NCAPD3: variants seen among roughly 807,000 people sequenced by gnomAD.
NCAPD3 encodes the protein non-SMC condensin II complex subunit D3.
A neutral mutation model predicts 182.9 loss-of-function variants in NCAPD3; 105 were observed. The observed-to-expected ratio is 0.57, with a 90% CI of 0.49 to 0.68. The LOEUF (loss-of-function observed/expected upper bound fraction) is 0.68. NCAPD3 is among the 30% of genes least tolerant of loss of function. The pLI is 0.00. For synonymous variants in NCAPD3, 815 were observed against 679.9 expected (o/e 1.20, Z -3.09); for missense variants, 1,944 against 1,837.0 (o/e 1.06, Z -1.07).
intron 24 of NCAPD3, 135 bp downstream of exon 24, chr11:134,176,172 G>T: frequency 1.5e-6 from 1 of 674,962 alleles, no homozygotes; most frequent in African/African-American, 1.8e-5. Flanking sequence ...TTAAAAATCT[G>T]CTAATTTTCC....
At position 134,210,362 on chromosome 11, in the gene NCAPD3, G is replaced by A. The variant is rs767003236; in HGVS notation, c.475C>T (p.Arg159Trp). ...KSWPQESNLN[R>W]KRKKEQPKSS... ...TTAGGCTGTTCTTTCTTTCTTTTCC[G>A]ATTCAAGTTAGATTCCTGGGGCCAG... Residue 159 changes from arginine (R) to tryptophan (W), a missense_variant, in exon 4 of 35, where the codon CGG becomes TGG. By Grantham distance (101) the Arg-to-Trp change is moderately radical. Coordinates refer to ENST00000534548, the MANE Select transcript of NCAPD3 (RefSeq NM_015261.3). 11 of 1,613,920 alleles carry A rather than the reference G, an allele frequency of 6.8e-6. No individual in the cohort carries two copies. The highest frequency in any genetic ancestry group is 3.3e-5 in the Admixed American group (2 of 60,008).
chr11:134,181,645 G>A (rs895359782), intron 19 of NCAPD3, among the ~76,000 whole-genome samples: 4 of 152,134 alleles, frequency 2.6e-5, no homozygotes, highest in Admixed American at 6.5e-5. Flanking sequence ...CAAGTGTTCC[G>A]TGTCTCTCAC....
At chr11:134,159,725 CACAG>C (rs1943524578) in intron 29 of NCAPD3, among the ~76,000 whole-genome samples, 163 bp downstream of exon 29, 1 of 152,248 alleles carries the variant, frequency 6.6e-6, no homozygotes, top group Non-Finnish European at 1.5e-5. Context: ...GTAAATCCAT[CACAG>C]ACAGAAAGGC....
chr11:134,158,430 G>C lies in NCAPD3; in HGVS notation c.3933C>G (p.Ala1311=). The change falls in exon 30 of 35, where the codon GCC becomes GCG. Residue 1311 remains alanine (A), a synonymous_variant. Coordinates refer to ENST00000534548, the MANE Select transcript of NCAPD3 (RefSeq NM_015261.3). The part of the protein sequence containing the change: ...AGQENPAMSP[A]VSQPCTPRAS... The stretch of plus-strand genomic sequence containing the variant: ...CCCTGGGTGTGCAGGGCTGGCTCAC[G>C]GCAGGTGACATGGCAGGGTTTTCTT... 1 of 1,614,200 alleles carries C rather than the reference G, an allele frequency of 6.2e-7. No individual in the cohort carries two copies. Among genetic ancestry groups the C allele is most frequent in the East Asian group, 2.2e-5 (1 of 44,884 alleles).
At chr11:134,168,757 G>A (rs990218157) in intron 25 of NCAPD3, among the ~76,000 whole-genome samples, 155 bp from the exon 26 acceptor site, 2 of 152,104 alleles carry the variant, frequency 1.3e-5, no homozygotes, top group African/African-American at 4.8e-5. Context: ...CTTAGGAAGC[G>A]ATTCTCACGA....
At chr11:134,183,500 G>A (rs1198082249) in intron 19 of NCAPD3, among the ~76,000 whole-genome samples, 4 of 152,144 alleles carry the variant, frequency 2.6e-5, no homozygotes, top group South Asian at 2.1e-4. Context: ...CCTGGGAGGC[G>A]GAGGTTACAG....
rs1192585284 is a variant in NCAPD3, at chr11:134,181,128, G to A, written c.2508C>T (p.Ser836=). The A allele has an allele frequency of 6.2e-7, 1 of 1,614,108 alleles. No individual in the cohort carries two copies. The change falls in exon 20 of 35, where the codon TCC becomes TCT. Residue 836 remains serine, a synonymous_variant. Coordinates refer to ENST00000534548, the MANE Select transcript of NCAPD3 (RefSeq NM_015261.3). ...TTCCATTCTCCTTGAGAACGATGTT[G>A]GAGAGGCGGTGCTCGCAGGTGGAGA... ...DVLSTCEHRL[S]NIVLKENGTG...
At chr11:134,223,980 C>G, upstream of NCAPD3, 1 of 1,585,564 alleles carries the variant, frequency 6.3e-7, no homozygotes, top group Non-Finnish European at 8.6e-7. Flanking sequence ...AGCTCGCTCC[C>G]GCGCGCGCGC....
chr11:134,153,482 G>A, intron 32 of NCAPD3, 119 bp from the exon 33 acceptor site: 3 of 974,182 alleles, frequency 3.1e-6, no homozygotes, highest in East Asian at 2.4e-5. Context: ...GCGGCCCTCA[G>A]ACCTCCACTG....
chr11:134,170,322 C>CA (rs1565529582), intron 24 of NCAPD3, among the ~76,000 whole-genome samples: 7 of 152,270 alleles, frequency 4.6e-5, no homozygotes, highest in African/African-American at 9.6e-5. Context: ...TAAGAGTAGT[C>CA]AGTTACTTTG....
At chr11:134,161,002 G>A (rs962298992) in intron 28 of NCAPD3, among the ~76,000 whole-genome samples, 2 of 151,322 alleles carry the variant, frequency 1.3e-5, no homozygotes, top group African/African-American at 2.4e-5. Context: ...AAGAATATTT[G>A]GAAGTTTTTA....
In NCAPD3 at chr11:134,178,599, C is replaced by G. The variant is rs189481123; in HGVS notation, c.2782+35G>C. 2.8e-6 allele frequency: 4 copies of G among 1,450,550 alleles called. No individual in the cohort carries two copies. The Admixed American group carries it at 8.4e-5, about 30-fold the overall frequency. 89.9% of individuals were successfully genotyped at this position (1,450,550 alleles called of 1,614,324 possible). A position where few individuals can be genotyped will look rare whatever the true frequency, so the allele number is the denominator to read the frequency against. On this transcript the variant is annotated intron_variant, in intron 22 of 34. Transcript: ENST00000534548. ...CTTAAGACAACAGCTACACACAGAACGATGTCAAGCCCCATTCTCCCATGT... is the reference window on the plus strand; with the variant it reads ...CTTAAGACAACAGCTACACACAGAAGGATGTCAAGCCCCATTCTCCCATGT...
chr11:134,157,104 G>A lies in NCAPD3; in HGVS notation c.4175-9C>T, dbSNP rs754943168. 6.2e-7 allele frequency: 1 copy of A among 1,605,410 alleles called. No homozygotes were observed. The highest frequency in any genetic ancestry group is 8.5e-7 in the Non-Finnish European group (1 of 1,174,698). The stretch of plus-strand genomic sequence containing the variant: ...CAAACTGTATGAAGACACTAGAACA[G>A]AAAAGGTGCTGCTATCCAGAAATAC... On this transcript the variant is annotated splice_polypyrimidine_tract_variant and intron_variant, in intron 31 of 34. Transcript: ENST00000534548.
chr11:134,169,261 C>G (rs1282768839), intron 24 of NCAPD3, among the ~76,000 whole-genome samples: 2 of 152,148 alleles, frequency 1.3e-5, no homozygotes, highest in Non-Finnish European at 2.9e-5. Context: ...CTTTCTAATC[C>G]AAGGTAAGTA....
Position 134,184,715 on chromosome 11 carries a change from A to G in NCAPD3, c.2373T>C (p.Ser791=). ...CAACAGCTGAACTGATCACCTCTAGAGACCACTGAAATCCATTCAGCTTAC... is the reference window on the plus strand; with the variant it reads ...CAACAGCTGAACTGATCACCTCTAGGGACCACTGAAATCCATTCAGCTTAC... The part of the protein sequence containing the change: ...VKCKLNGFQW[S]LEVISSAVDA... Residue 791 remains serine, a synonymous_variant, in exon 19 of 35, where the codon TCT becomes TCC. Transcript: ENST00000534548. 1 of 1,614,056 alleles carries G rather than the reference A, an allele frequency of 6.2e-7. No individual in the cohort carries two copies. Among genetic ancestry groups the G allele is most frequent in the Non-Finnish European group, 8.5e-7 (1 of 1,180,000 alleles).
At chr11:134,191,293 T>C (rs535499317) in intron 16 of NCAPD3, among the ~76,000 whole-genome samples, 266 of 152,286 alleles carry the variant, frequency 1.7e-3, no homozygotes, top group African/African-American at 6.2e-3. Context: ...AGAGTTGCCA[T>C]GAAATCAGAA....
At chr11:134,184,810 T>TATATACAC in intron 18 of NCAPD3, 58 bp from the exon 19 acceptor site, 1 of 1,008,316 alleles carries the variant, frequency 9.9e-7, no homozygotes, top group Non-Finnish European at 1.5e-6. Flanking sequence ...CAGGTATATA[T>TATATACAC]ACACACACAC....
In NCAPD3 at chr11:134,176,421, G is replaced by A. The variant is rs542977215; in HGVS notation, c.3022-35C>T. The A allele has an allele frequency of 5.8e-5, 92 of 1,572,678 alleles. 1 individual carries two copies. The highest frequency in any genetic ancestry group is 5.8e-4 in the Admixed American group (35 of 59,910). On this transcript the variant is annotated intron_variant, in intron 23 of 34. Transcript: ENST00000534548. ...GAGAAGCCGGCATGTTTCAGAGTGC[G>A]TCATCATGGGCAAGCCTCACTGTTC...
At chr11:134,169,161 G>A in intron 24 of NCAPD3, 107 bp from the exon 25 acceptor site, 1 of 1,136,538 alleles carries the variant, frequency 8.8e-7, no homozygotes, top group Admixed American at 3.2e-5. Context: ...CATAAGCGTA[G>A]GGATTCAAAA....
Sources: gnomAD v4.1 joint callset for allele counts (sites outside exome capture counted in the v4.1 genomes callset) on GRCh38, gnomAD v4.1.1 for gene constraint, MANE v1.5 for transcripts, NCBI Gene and HGNC (gene_info 2026-07-23, HGNC 2026-07-21) for gene names.